BARX2: variants seen among roughly 807,000 people sequenced by gnomAD.
The protein encoded by BARX2 is BARX homeobox 2.
A neutral mutation model predicts 25.5 loss-of-function variants in BARX2; 11 were observed. That is an observed-to-expected ratio of 0.43 (90% CI 0.27 to 0.71). BARX2 has a LOEUF of 0.71. BARX2 is among the 30% of genes least tolerant of loss of function. The pLI, the probability that BARX2 is intolerant of heterozygous loss-of-function variation, is 0.19. For missense variants in BARX2, 360 were observed against 359.9 expected, an observed-to-expected ratio of 1.00 and a Z score of 0.00; for synonymous variants, 137 against 149.5, an observed-to-expected ratio of 0.92 and a Z score of 0.61.
At chr11:129,432,989 T>C (rs759470267) in intron 1 of BARX2, among the ~76,000 whole-genome samples, 3 of 152,116 alleles carry the variant, frequency 2.0e-5, no homozygotes, top group Admixed American at 1.3e-4. Flanking sequence ...ACCCACTCCC[T>C]TGGTGATCTC....
chr11:129,389,533 A>G (rs1205670323), intron 1 of BARX2, among the ~76,000 whole-genome samples: 1 of 152,006 alleles, frequency 6.6e-6, no homozygotes, highest in Non-Finnish European at 1.5e-5. Context: ...GCGCTACAAC[A>G]TCACAAGATG....
intron 1 of BARX2, among the ~76,000 whole-genome samples, chr11:129,378,200 T>A (rs1861524137): frequency 6.6e-6 from 1 of 152,226 alleles, no homozygotes; most frequent in African/African-American, 2.4e-5. Context: ...GGATTGTTAG[T>A]TGAAAATGTG....
chr11:129,451,382 G>C lies in BARX2; in HGVS notation c.820G>C (p.Glu274Gln). The C allele has an allele frequency of 6.2e-7, 1 of 1,613,688 alleles. No individual in the cohort carries two copies. ...PPQELPIPSS[E>Q]PPPLS ...CCAGGAGTTGCCAATACCCTCTTCGGAACCCCCACCATTAAGCTAAAGTAA... is the reference window on the plus strand; with the variant it reads ...CCAGGAGTTGCCAATACCCTCTTCGCAACCCCCACCATTAAGCTAAAGTAA... The change falls in exon 4 of 4, where the codon GAA becomes CAA. Residue 274 changes from glutamate to glutamine, a missense_variant. Coordinates refer to ENST00000281437, the MANE Select transcript of BARX2 (RefSeq NM_003658.5).
At chr11:129,416,734 G>T (rs1861947017) in intron 1 of BARX2, among the ~76,000 whole-genome samples, 1 of 151,946 alleles carries the variant, frequency 6.6e-6, no homozygotes, top group Non-Finnish European at 1.5e-5. Flanking sequence ...GACTCTCATA[G>T]CTTCATTATG....
intron 1 of BARX2, among the ~76,000 whole-genome samples, chr11:129,378,856 AAC>A (rs1297290674): frequency 1.3e-5 from 2 of 152,090 alleles, no homozygotes; most frequent in East Asian, 3.9e-4. Context: ...AAAAAAAAAA[AAC>A]ACTGCATAAT....
chr11:129,381,394 G>GT (rs375977345), intron 1 of BARX2, among the ~76,000 whole-genome samples: 2 of 151,482 alleles, frequency 1.3e-5, no homozygotes, highest in Non-Finnish European at 3.0e-5. Context: ...GTTTTGTTTT[G>GT]TTTGTTTGTT....
At chr11:129,446,902 T>A (rs1297251718) in intron 3 of BARX2, among the ~76,000 whole-genome samples, 1 of 152,156 alleles carries the variant, frequency 6.6e-6, no homozygotes, top group Non-Finnish European at 1.5e-5. Flanking sequence ...CGCTGCCCTA[T>A]AAAGCTGCAG....
intron 1 of BARX2, among the ~76,000 whole-genome samples, chr11:129,403,346 A>G (rs1330383437): frequency 6.6e-6 from 1 of 152,200 alleles, no homozygotes; most frequent in African/African-American, 2.4e-5. Flanking sequence ...CTCATATTTA[A>G]AGGCTTGTGT....
In BARX2 at chr11:129,376,060, C is replaced by T. The variant is rs1565506265; in HGVS notation, c.25C>T (p.Leu9=). Residue 9 remains leucine (L), a synonymous_variant, in exon 1 of 4, where the codon CTG becomes TTG. Transcript: ENST00000281437. This position sits in a 1 kb window ranked among gnomAD's most constrained non-coding sequence, Gnocchi z 4.2. The part of the protein sequence containing the change: MHCHAELR[L]SSPGQLKAAR... Reference sequence around the variant, plus strand: ...CATGCACTGCCACGCCGAGCTGAGGCTGAGCTCGCCCGGCCAGCTCAAAGC... The same window carrying T: ...CATGCACTGCCACGCCGAGCTGAGGTTGAGCTCGCCCGGCCAGCTCAAAGC... 4.4e-6 allele frequency: 7 copies of T among 1,600,416 alleles called. No homozygotes were observed. The highest frequency in any genetic ancestry group is 4.3e-6 in the Non-Finnish European group (5 of 1,174,652).
intron 1 of BARX2, among the ~76,000 whole-genome samples, chr11:129,416,894 TTTTATTTATTTA>T (rs1425595548): frequency 6.6e-6 from 1 of 150,750 alleles, no homozygotes; most frequent in Admixed American, 6.6e-5. Context: ...TTTTTTTAAT[TTTTATTTATTTA>T]TTTATTTATT....
chr11:129,446,657 G>A (rs1175505231), intron 3 of BARX2, among the ~76,000 whole-genome samples: 1 of 152,158 alleles, frequency 6.6e-6, no homozygotes, highest in African/African-American at 2.4e-5. Context: ...AATTCTATGA[G>A]TTTCAGGGAC....
At chr11:129,423,202 C>T (rs1180985289) in intron 1 of BARX2, among the ~76,000 whole-genome samples, 4 of 151,446 alleles carry the variant, frequency 2.6e-5, no homozygotes, top group Admixed American at 6.6e-5. Flanking sequence ...CTGCAACCTC[C>T]GCCTCCCAGA....
intron 1 of BARX2, among the ~76,000 whole-genome samples, chr11:129,395,919 A>G (rs1861715517): frequency 6.6e-6 from 1 of 152,042 alleles, no homozygotes; most frequent in African/African-American, 2.4e-5. Flanking sequence ...AGTCTCCTGA[A>G]TCTCGTGTGG....
At chr11:129,419,438 T>A (rs1861979512) in intron 1 of BARX2, among the ~76,000 whole-genome samples, 1 of 152,228 alleles carries the variant, frequency 6.6e-6, no homozygotes, top group Non-Finnish European at 1.5e-5. Context: ...AACCTTTCTA[T>A]AATATTAAGT....
chr11:129,440,867 C>A (rs1389814374), intron 2 of BARX2, among the ~76,000 whole-genome samples: 2 of 152,146 alleles, frequency 1.3e-5, no homozygotes, highest in South Asian at 4.1e-4. Context: ...ACTGTGGGCC[C>A]GAGATTCACA....
intron 1 of BARX2, among the ~76,000 whole-genome samples, chr11:129,424,495 G>GAATC (rs1862042498): frequency 1.3e-5 from 2 of 152,030 alleles, no homozygotes; most frequent in Admixed American, 6.6e-5. Flanking sequence ...AATGCCTCTG[G>GAATC]AATCCATCCC....
At chr11:129,378,911 T>C (rs1274798387) in intron 1 of BARX2, among the ~76,000 whole-genome samples, 3 of 150,490 alleles carry the variant, frequency 2.0e-5, no homozygotes, top group Admixed American at 6.6e-5. Flanking sequence ...TAAAGGTCAA[T>C]TTATGGTACC....
intron 1 of BARX2, among the ~76,000 whole-genome samples, chr11:129,425,096 T>C (rs571740801): frequency 6.6e-6 from 1 of 152,366 alleles, no homozygotes; most frequent in Admixed American, 6.5e-5. Flanking sequence ...CTTCGAAATA[T>C]GACCAAGGTC....
At chr11:129,450,120 G>A (rs1862378593) in intron 3 of BARX2, among the ~76,000 whole-genome samples, 1 of 152,098 alleles carries the variant, frequency 6.6e-6, no homozygotes, top group African/African-American at 2.4e-5. Flanking sequence ...GCCTTTAAAG[G>A]ACTTCCCAAA....
Sources: allele counts gnomAD v4.1 joint callset (sites outside exome capture counted in the v4.1 genomes callset), GRCh38; gene constraint gnomAD v4.1.1; non-coding constraint Gnocchi (gnomAD v3.1); transcripts MANE v1.5; gene names NCBI Gene and HGNC (gene_info 2026-07-23, HGNC 2026-07-21).